Variants in SORCS1 observed in about 807,000 individuals in gnomAD.
SORCS1 encodes the protein sortilin related VPS10 domain containing receptor 1.
SORCS1 carries 60 observed loss-of-function variants against 146.1 expected under a neutral mutation model. That is an observed-to-expected ratio of 0.41 (90% CI 0.33 to 0.51). SORCS1 has a LOEUF of 0.51. Among genes scored for constraint, SORCS1 ranks in the 20% least tolerant of loss-of-function variants. The pLI, the probability that SORCS1 is intolerant of heterozygous loss-of-function variation, is 0.21. For synonymous variants in SORCS1, 637 were observed against 584.0 expected (o/e 1.09, Z -1.31); for missense variants, 1,352 against 1,487.6 (o/e 0.91, Z 1.50).
chr10:106,993,663 CTT>C (rs1472782149), intron 1 of SORCS1, among the ~76,000 whole-genome samples: 1 of 152,020 alleles, frequency 6.6e-6, no homozygotes, highest in Non-Finnish European at 1.5e-5. Context: ...ACTGTCAACA[CTT>C]TGTTTGAATG....
At chr10:106,861,650 G>C (rs2137439234) in intron 2 of SORCS1, among the ~76,000 whole-genome samples, 1 of 152,230 alleles carries the variant, frequency 6.6e-6, no homozygotes. Flanking sequence ...CAAGCACTTT[G>C]GGATGCCAAG....
At chr10:106,600,009 C>T (rs1041798240) in intron 23 of SORCS1, among the ~76,000 whole-genome samples, 29 of 152,160 alleles carry the variant, frequency 1.9e-4, no homozygotes, top group Admixed American at 1.8e-3. Flanking sequence ...AGGCTGGTCT[C>T]GAACTCCTGA....
Position 106,899,618 on chromosome 10 carries a change from A to G in SORCS1, c.626+56895T>C, listed in dbSNP as rs1312604464. The stretch of plus-strand genomic sequence containing the variant: ...TTTTTTTTTTTTTTTTTTTTGTCCA[A>G]AATTTTTACAGTAGCCTCTGAACTG... On this transcript the variant is annotated intron_variant, in intron 2 of 25. Transcript: ENST00000263054. 4.2e-5 allele frequency among the ~76,000 whole-genome samples: 6 copies of G among 142,600 alleles called. No homozygotes were observed. The East Asian group carries it at 6.1e-4, about 14-fold the overall frequency. 93.6% of individuals were successfully genotyped at this position (142,600 alleles called of 152,430 possible).
At chr10:106,916,182 AT>A (rs1370315339) in intron 2 of SORCS1, among the ~76,000 whole-genome samples, 1 of 152,064 alleles carries the variant, frequency 6.6e-6, no homozygotes, top group Non-Finnish European at 1.5e-5. Flanking sequence ...TCAATTAATT[AT>A]TTTTTTATTT....
At chr10:106,777,819 G>A (rs1564646767) in intron 3 of SORCS1, among the ~76,000 whole-genome samples, 1 of 152,172 alleles carries the variant, frequency 6.6e-6, no homozygotes, top group African/African-American at 2.4e-5. Context: ...TCTCCAGACA[G>A]GTGGCCTTAA....
upstream of SORCS1, among the ~76,000 whole-genome samples, chr10:107,169,321 A>C (rs1484733016): frequency 2.0e-5 from 3 of 152,184 alleles, no homozygotes; most frequent in Non-Finnish European, 4.4e-5. Flanking sequence ...ACTGGGGAGA[A>C]TAATATGCAG....
intron 1 of SORCS1, among the ~76,000 whole-genome samples, chr10:107,153,849 C>T (rs1394886635): frequency 6.6e-6 from 1 of 152,042 alleles, no homozygotes; most frequent in African/African-American, 2.4e-5. Context: ...ACACAAGAAA[C>T]CTTGCATAGA....
intron 17 of SORCS1, 150 bp downstream of exon 17, chr10:106,667,539 T>C (rs113338009): frequency 1.9e-5 from 11 of 571,416 alleles, no homozygotes; most frequent in South Asian, 8.2e-5. Context: ...TAGTGCAAAG[T>C]TGTGCTTCAT....
chr10:106,670,913 C>G (rs995655392), intron 16 of SORCS1, among the ~76,000 whole-genome samples: 1 of 151,886 alleles, frequency 6.6e-6, no homozygotes, highest in Admixed American at 6.6e-5. Context: ...AGGCTGGTCC[C>G]AAACTCCTGA....
rs115742844 is a variant in SORCS1 at position 106,789,798 on chromosome 10, C to A, written c.727-13106G>T. On this transcript the variant is annotated intron_variant, in intron 3 of 25. Transcript: ENST00000263054. ...TGCAGTACCAATTCACTGTATTAGT[C>A]TGTTCTCACACTGCTCTAAAGAACT... is the stretch of plus-strand genomic sequence containing the variant. Among the ~76,000 whole-genome samples, 1,220 of 152,320 alleles carry A rather than the reference C, an allele frequency of 8.0e-3. 17 individuals carry two copies. The highest frequency in any genetic ancestry group is 0.027 in the African/African-American group (1,123 of 41,570).
At chr10:106,636,080 T>C (rs1180070994) in intron 18 of SORCS1, among the ~76,000 whole-genome samples, 1 of 152,142 alleles carries the variant, frequency 6.6e-6, no homozygotes, top group South Asian at 2.1e-4. Flanking sequence ...TGCGACTTTG[T>C]ATACAAAGTG....
At chr10:107,024,976 G>A (rs999597702) in intron 1 of SORCS1, among the ~76,000 whole-genome samples, 1 of 152,162 alleles carries the variant, frequency 6.6e-6, no homozygotes, top group African/African-American at 2.4e-5. Context: ...CTGGCTTGGG[G>A]CTAAGGGTTA....
intron 1 of SORCS1, among the ~76,000 whole-genome samples, chr10:106,986,511 CGTGTGTGTGT>C (rs58888609): frequency 0.1 from 14,816 of 148,368 alleles, 2,383 homozygotes; most frequent in African/African-American, 0.34. Flanking sequence ...TATATACAAC[CGTGTGTGTGT>C]GTGTGTGTGT....
chr10:107,178,874 C>G, the SORCS1 span, among the ~76,000 whole-genome samples: 1 of 152,062 alleles, frequency 6.6e-6, no homozygotes, highest in African/African-American at 2.4e-5. Flanking sequence ...TTGACGGACA[C>G]TTAATTTGAT....
chr10:107,094,928 C>T (rs978175198), intron 1 of SORCS1, among the ~76,000 whole-genome samples: 3 of 152,140 alleles, frequency 2.0e-5, no homozygotes, highest in Non-Finnish European at 4.4e-5. Flanking sequence ...GATGATCTGT[C>T]GGCAAGAGAA....
At chr10:107,038,464 A>G (rs146631457) in intron 1 of SORCS1, among the ~76,000 whole-genome samples, 2 of 151,886 alleles carry the variant, frequency 1.3e-5, no homozygotes, top group South Asian at 2.1e-4. Context: ...TGGGTGCAGC[A>G]CACCAACATG....
intron 2 of SORCS1, among the ~76,000 whole-genome samples, chr10:106,880,830 T>C (rs1950776307): frequency 6.6e-6 from 1 of 152,082 alleles, no homozygotes; most frequent in African/African-American, 2.4e-5. Flanking sequence ...GGCTCACGCC[T>C]GTAATCCCAG....
intron 1 of SORCS1, among the ~76,000 whole-genome samples, chr10:106,958,936 C>G (rs1955093216): frequency 6.6e-6 from 1 of 151,964 alleles, no homozygotes; most frequent in Non-Finnish European, 1.5e-5. Context: ...AATCCCCCAC[C>G]AAGAAAATAG....
At chr10:107,173,864 G>GT in the SORCS1 span, among the ~76,000 whole-genome samples, 1 of 152,124 alleles carries the variant, frequency 6.6e-6, no homozygotes, top group South Asian at 2.1e-4. Flanking sequence ...GTGTGTGATT[G>GT]TTTCTGAATT....
Sources: gnomAD v4.1 joint callset for allele counts (sites outside exome capture counted in the v4.1 genomes callset) on GRCh38, gnomAD v4.1.1 for gene constraint, MANE v1.5 for transcripts, NCBI Gene and HGNC (gene_info 2026-07-23, HGNC 2026-07-21) for gene names.